The following MAPK6 variants were observed in gnomAD, a reference collection of about 807,000 sequenced individuals.
The protein encoded by MAPK6 is ERK-3.
Under a neutral mutation model 59.3 loss-of-function variants are expected in MAPK6, and 19 were observed. The ratio of observed to expected loss-of-function variants is 0.32; its 90% CI spans 0.22 to 0.47. The LOEUF (loss-of-function observed/expected upper bound fraction) is 0.47. Ranked by LOEUF, MAPK6 falls within the 20% of genes least tolerant of loss-of-function variation. The probability of loss-of-function intolerance (pLI) is 1.00; values close to 1 mark genes in which losing one functional copy is unlikely to be tolerated. For synonymous variants in MAPK6, 316 were observed against 290.3 expected (o/e 1.09, Z -0.90); for missense variants, 724 against 847.9 (o/e 0.85, Z 1.81).
intron 1 of MAPK6, among the ~76,000 whole-genome samples, chr15:51,971,992 C>G (rs2057129772): frequency 6.6e-6 from 1 of 150,660 alleles, no homozygotes; most frequent in Non-Finnish European, 1.5e-5. Context: ...GTCCTGCGTT[C>G]GGTTGCGGGT....
intron 2 of MAPK6, among the ~76,000 whole-genome samples, chr15:52,001,037 T>C (rs1167939044): frequency 1.3e-5 from 2 of 152,160 alleles, no homozygotes; most frequent in Non-Finnish European, 2.9e-5. Context: ...AATTCAGGTG[T>C]TGCCAATGTG....
chr15:52,029,988 T>G (rs2030964926), intron 1 of MAPK6, among the ~76,000 whole-genome samples: 1 of 152,244 alleles, frequency 6.6e-6, no homozygotes, highest in African/African-American at 2.4e-5. Context: ...AGTTATGAGA[T>G]TCAGAATCCT....
intron 2 of MAPK6, among the ~76,000 whole-genome samples, chr15:52,002,728 T>G (rs1213511003): frequency 6.6e-6 from 1 of 152,092 alleles, no homozygotes; most frequent in Non-Finnish European, 1.5e-5. Context: ...TGAGACTGGG[T>G]AATGTATAAA....
chr15:52,059,572 T>C (rs965712094), intron 4 of MAPK6, among the ~76,000 whole-genome samples: 11 of 152,228 alleles, frequency 7.2e-5, no homozygotes, highest in African/African-American at 2.7e-4. Context: ...CTGGATCCAC[T>C]TCAGAGTAGT....
chr15:52,020,013 T>G (rs182711263), intron 1 of MAPK6: 1 of 152,582 alleles, frequency 6.6e-6, no homozygotes, highest in Admixed American at 6.5e-5. Flanking sequence ...GCCCAAGTTT[T>G]GAGTCTTGCC....
chr15:51,981,233 G>T (rs1056968412), intron 1 of MAPK6, among the ~76,000 whole-genome samples: 1 of 151,584 alleles, frequency 6.6e-6, no homozygotes, highest in Admixed American at 6.6e-5. Context: ...CAGCACTTTG[G>T]GAGGCCGAGG....
At chr15:51,978,907 G>A (rs2057164849) in intron 1 of MAPK6, among the ~76,000 whole-genome samples, 1 of 151,676 alleles carries the variant, frequency 6.6e-6, no homozygotes, top group East Asian at 1.9e-4. Flanking sequence ...GATCGTTTGA[G>A]TCCAGGAGTT....
In MAPK6 at chr15:52,046,570, CT is replaced by C; in HGVS notation, c.111del (p.Val38Ter). 1 of 1,614,098 alleles carries C rather than the reference CT, an allele frequency of 6.2e-7. No individual in the cohort carries two copies. The highest frequency in any genetic ancestry group is 8.5e-7 in the Non-Finnish European group (1 of 1,179,972). On this transcript the variant is annotated frameshift_variant, in exon 2 of 6. Transcript: ENST00000261845. LOFTEE classifies it high-confidence loss of function. ...GGAGGCAATGGCTTGGTTTTTTCTG[CT>C]GTAGACAATGACTGTGACAAAAGAG... ...GCGGNGLVFS[A>X]VDNDCDKRVA...
intron 2 of MAPK6, among the ~76,000 whole-genome samples, chr15:51,994,298 A>AC (rs1424725252): frequency 1.3e-5 from 2 of 152,160 alleles, no homozygotes; most frequent in Non-Finnish European, 2.9e-5. Context: ...ACCAAAAGGA[A>AC]CCAGGGCCCC....
chr15:51,995,734 C>T (rs1353589779), intron 2 of MAPK6, among the ~76,000 whole-genome samples: 1 of 152,012 alleles, frequency 6.6e-6, no homozygotes, highest in Non-Finnish European at 1.5e-5. Flanking sequence ...TTGAGAATAT[C>T]CTGCCCAACA....
chr15:52,013,720 CACA>C (rs2030155304), intron 3 of MAPK6, among the ~76,000 whole-genome samples: 1 of 152,224 alleles, frequency 6.6e-6, no homozygotes, highest in South Asian at 2.1e-4. Context: ...TTTTTACTTA[CACA>C]GGAAGGGGAG....
intron 2 of MAPK6, among the ~76,000 whole-genome samples, chr15:51,996,801 T>C (rs2057225677): frequency 1.3e-5 from 2 of 152,046 alleles, no homozygotes; most frequent in Non-Finnish European, 2.9e-5. Context: ...CAAATGATCC[T>C]CCTGCCTCAG....
At chr15:52,057,214 G>A (rs1400938984) in intron 3 of MAPK6, 1 of 152,178 alleles carries the variant, frequency 6.6e-6, no homozygotes, top group East Asian at 1.9e-4. Flanking sequence ...TCCTGCTTCA[G>A]TATTTGCTGT....
upstream of MAPK6, chr15:52,019,020 T>C (rs994668775): frequency 6.6e-6 from 1 of 152,306 alleles, no homozygotes; most frequent in African/African-American, 2.4e-5. Flanking sequence ...TCTTCCTCCC[T>C]GCCCGCCCGC....
upstream of MAPK6, among the ~76,000 whole-genome samples, chr15:52,015,563 C>T (rs146434196): frequency 0.014 from 2,094 of 150,998 alleles, 60 homozygotes; most frequent in African/African-American, 0.049. Flanking sequence ...CTGCAGCCTC[C>T]GCCTCCCGGG....
At chr15:51,972,104 A>C (rs2057130959) in intron 1 of MAPK6, among the ~76,000 whole-genome samples, 1 of 152,066 alleles carries the variant, frequency 6.6e-6, no homozygotes, top group African/African-American at 2.4e-5. Flanking sequence ...CTTACTGAGC[A>C]GCTGTTCTCC....
intron 1 of MAPK6, among the ~76,000 whole-genome samples, chr15:52,032,548 T>G (rs2031078125): frequency 6.6e-6 from 1 of 152,128 alleles, no homozygotes; most frequent in South Asian, 2.1e-4. Context: ...CTTTCTGAGT[T>G]TTTTATTCCT....
At chr15:52,048,775 A>G (rs2031678416) in intron 2 of MAPK6, among the ~76,000 whole-genome samples, 1 of 152,134 alleles carries the variant, frequency 6.6e-6, no homozygotes, top group Admixed American at 6.5e-5. Context: ...GCACTTTAGG[A>G]GGCCGGGGCA....
intron 1 of MAPK6, among the ~76,000 whole-genome samples, chr15:51,981,017 T>A (rs1022407859): frequency 6.6e-6 from 1 of 151,820 alleles, no homozygotes; most frequent in South Asian, 2.1e-4. Flanking sequence ...AGCAAACCCC[T>A]TTCCTGAACC....
Sources: allele counts gnomAD v4.1 joint callset (sites outside exome capture counted in the v4.1 genomes callset), GRCh38; gene constraint gnomAD v4.1.1; transcripts MANE v1.5; gene names NCBI Gene and HGNC (gene_info 2026-07-23, HGNC 2026-07-21).